Variants in FRAS1 observed in about 807,000 individuals in gnomAD.
FRAS1 encodes Fraser extracellular matrix complex subunit 1, also known as extracellular matrix organizing protein FRAS1.
A neutral mutation model predicts 435.2 loss-of-function variants in FRAS1; 290 were observed. The observed-to-expected ratio is 0.67, with a 90% CI of 0.61 to 0.73. The LOEUF (loss-of-function observed/expected upper bound fraction) is 0.73. Among genes scored for constraint, FRAS1 ranks in the 30% least tolerant of loss-of-function variants. The pLI, the probability that FRAS1 is intolerant of heterozygous loss-of-function variation, is 0.00. For missense variants in FRAS1, 4,860 were observed against 5,001.5 expected, an observed-to-expected ratio of 0.97 and a Z score of 0.85; for synonymous variants, 1,800 against 1,851.0, an observed-to-expected ratio of 0.97 and a Z score of 0.71.
rs1421091056 is a variant in FRAS1 at position 78,479,684 on chromosome 4, G to A, written c.8409G>A (p.Leu2803=). ...SGPNDASTVS[L]GNTAFTVSED... ...CCAACGATGCCTCGACTGTGTCCCTGGGCAACACGGCTTTCACTGTCAGTG... is the reference window on the plus strand; with the variant it reads ...CCAACGATGCCTCGACTGTGTCCCTAGGCAACACGGCTTTCACTGTCAGTG... Residue 2803 remains leucine, a synonymous_variant, in exon 56 of 74, where the codon CTG becomes CTA. Coordinates refer to ENST00000512123, the MANE Select transcript of FRAS1 (RefSeq NM_025074.7). The A allele has an allele frequency of 1.2e-6, 2 of 1,601,360 alleles. No individual in the cohort carries two copies. Among genetic ancestry groups the A allele is most frequent in the Non-Finnish European group, 1.7e-6 (2 of 1,171,730 alleles).
chr4:78,411,907 C>T (rs1391305165), intron 31 of FRAS1, among the ~76,000 whole-genome samples: 2 of 152,100 alleles, frequency 1.3e-5, no homozygotes, highest in African/African-American at 2.4e-5. Flanking sequence ...GTGACTTTGA[C>T]ACATTGCTTA....
chr4:78,279,220 G>T (rs930382079), intron 10 of FRAS1, among the ~76,000 whole-genome samples: 4 of 152,216 alleles, frequency 2.6e-5, no homozygotes, highest in African/African-American at 2.4e-5. Flanking sequence ...GCACTGAGAC[G>T]CAAGTGTGTT....
At chr4:78,189,610 G>T (rs1478386686) in intron 2 of FRAS1, among the ~76,000 whole-genome samples, 2 of 152,142 alleles carry the variant, frequency 1.3e-5, no homozygotes, top group East Asian at 3.9e-4. Flanking sequence ...TTCTTCTCTT[G>T]CTGTAGTCTC....
intron 63 of FRAS1, among the ~76,000 whole-genome samples, 163 bp downstream of exon 63, chr4:78,509,169 A>G (rs1267759400): frequency 2.0e-5 from 3 of 152,160 alleles, no homozygotes; most frequent in Non-Finnish European, 2.9e-5. Flanking sequence ...AGAAAAGGTT[A>G]TATGCTGTAA....
intron 37 of FRAS1, among the ~76,000 whole-genome samples, 167 bp from the exon 38 acceptor site, chr4:78,432,190 A>G (rs1250469151): frequency 1.3e-5 from 2 of 152,170 alleles, no homozygotes; most frequent in African/African-American, 2.4e-5. Context: ...CCCTTTTTCA[A>G]CGGTGGTGTA....
chr4:78,347,447 G>T (rs114502259), intron 20 of FRAS1, among the ~76,000 whole-genome samples: 1 of 152,078 alleles, frequency 6.6e-6, no homozygotes, highest in Non-Finnish European at 1.5e-5. Flanking sequence ...AAAACTTGTC[G>T]ATGCCTTCCC....
intron 60 of FRAS1, among the ~76,000 whole-genome samples, chr4:78,498,127 A>T (rs1720560168): frequency 1.3e-5 from 2 of 152,172 alleles, no homozygotes; most frequent in South Asian, 4.1e-4. Context: ...ACATTAGGAG[A>T]CATACCTAAT....
At position 78,445,510 on chromosome 4, in the gene FRAS1, A is replaced by T. The variant is rs369995010; in HGVS notation, c.5666-12A>T. ...AGATCAAGGTAAAAATGCTCTCTTG[A>T]TGTTGATGCAGGTGATCGTTTTGGC... On this transcript the variant is annotated splice_polypyrimidine_tract_variant and intron_variant, in intron 41 of 73. Coordinates refer to ENST00000512123, the MANE Select transcript of FRAS1 (RefSeq NM_025074.7). 2.9e-5 allele frequency: 45 copies of T among 1,542,490 alleles called. No individual in the cohort carries two copies. The highest frequency in any genetic ancestry group is 3.9e-5 in the Non-Finnish European group (45 of 1,141,394).
rs758242408 is a variant in FRAS1, at chr4:78,424,428, T to G, written c.4711+8T>G. The G allele has an allele frequency of 1.3e-5, 18 of 1,402,056 alleles. No individual in the cohort carries two copies. The highest frequency in any genetic ancestry group is 1.6e-5 in the Non-Finnish European group (17 of 1,057,868). The allele number at this position is 1,402,056 out of a possible 1,614,324, so 86.9% of individuals were successfully genotyped here. On this transcript the variant is annotated splice_region_variant and intron_variant, in intron 35 of 73. Transcript: ENST00000512123. The stretch of plus-strand genomic sequence containing the variant: ...TGAAATTCCACTTCACAGGTAAAGA[T>G]TCATCTAAATTTTACTAGAAAGTGA...
chr4:78,142,140 A>T (rs1374702113), intron 2 of FRAS1, among the ~76,000 whole-genome samples: 1 of 152,030 alleles, frequency 6.6e-6, no homozygotes, highest in Non-Finnish European at 1.5e-5. Flanking sequence ...GGAAAAAAAA[A>T]TGGGACTACG....
At chr4:78,075,335 A>G (rs1740585319) in intron 2 of FRAS1, among the ~76,000 whole-genome samples, 1 of 152,156 alleles carries the variant, frequency 6.6e-6, no homozygotes, top group African/African-American at 2.4e-5. Context: ...TGATTCCTTG[A>G]GGAGTTGGTT....
intron 23 of FRAS1, 87 bp from the exon 24 acceptor site, chr4:78,372,631 C>G: frequency 6.6e-7 from 1 of 1,505,778 alleles, no homozygotes; most frequent in African/African-American, 1.4e-5. Context: ...TTACTCCTTG[C>G]AGCTGCAGAC....
At chr4:78,484,290 A>G (rs1042382951) in intron 58 of FRAS1, among the ~76,000 whole-genome samples, 2 of 152,104 alleles carry the variant, frequency 1.3e-5, no homozygotes, top group African/African-American at 2.4e-5. Context: ...TTACTCACCT[A>G]TTGAATGACA....
At chr4:78,075,399 G>C (rs28446054) in intron 2 of FRAS1, among the ~76,000 whole-genome samples, 19,266 of 152,146 alleles carry the variant, frequency 0.13, 1,287 homozygotes, top group Middle Eastern at 0.19. Flanking sequence ...GGGAATTATT[G>C]TATGAGCTCA....
At chr4:78,372,918 C>G (rs1233967026) in intron 24 of FRAS1, 60 bp downstream of exon 24, 5 of 1,546,786 alleles carry the variant, frequency 3.2e-6, no homozygotes, top group Non-Finnish European at 4.4e-6. Flanking sequence ...CTGATTTGTA[C>G]TGTTCTCAGA....
chr4:78,345,305 A>G (rs955245406), intron 20 of FRAS1, among the ~76,000 whole-genome samples: 7 of 152,188 alleles, frequency 4.6e-5, no homozygotes, highest in Non-Finnish European at 8.8e-5. Flanking sequence ...TGACTGGTGA[A>G]TTAAGACTCA....
intron 9 of FRAS1, 36 bp from the exon 10 acceptor site, chr4:78,278,619 A>G (rs1254372543): frequency 6.6e-6 from 8 of 1,212,868 alleles, no homozygotes; most frequent in African/African-American, 3.0e-5. Flanking sequence ...GGAGATGTTA[A>G]TTTGATATGT....
chr4:78,182,745 T>C (rs1722074953), intron 2 of FRAS1, among the ~76,000 whole-genome samples: 1 of 151,742 alleles, frequency 6.6e-6, no homozygotes, highest in African/African-American at 2.4e-5. Flanking sequence ...CTGGACATGG[T>C]GGCACGTGCC....
rs1725585853 is a variant in FRAS1 at position 78,252,467 on chromosome 4, C to T, written c.385C>T (p.Pro129Ser). The T allele has an allele frequency of 6.2e-7, 1 of 1,613,644 alleles. No individual in the cohort carries two copies. The highest frequency in any genetic ancestry group is 1.7e-5 in the Admixed American group (1 of 59,972). Reference sequence around the variant, plus strand: ...TGGGGAAGTCCGATGTACCCCCCAACCATGCCCACCGCTGTCATGTGGACA... The same window carrying T: ...TGGGGAAGTCCGATGTACCCCCCAATCATGCCCACCGCTGTCATGTGGACA... ...NHGEVRCTPQ[P>S]CPPLSCGHQE... Residue 129 changes from proline to serine, a missense_variant, in exon 5 of 74, where the codon CCA becomes TCA. Transcript: ENST00000512123.
Sources: gnomAD v4.1 joint callset for allele counts (sites outside exome capture counted in the v4.1 genomes callset) on GRCh38, gnomAD v4.1.1 for gene constraint, MANE v1.5 for transcripts, NCBI Gene and HGNC (gene_info 2026-07-23, HGNC 2026-07-21) for gene names.